PCDHGA3: variants seen among roughly 807,000 people sequenced by gnomAD.
PCDHGA3 encodes the protein protocadherin gamma-A3.
PCDHGA3 carries 40 observed loss-of-function variants against 58.5 expected under a neutral mutation model. That is an observed-to-expected ratio of 0.68 (90% CI 0.53 to 0.89). The LOEUF (loss-of-function observed/expected upper bound fraction) is 0.89. Among genes scored for constraint, PCDHGA3 ranks in the 40% least tolerant of loss-of-function variants. The pLI, the probability that PCDHGA3 is intolerant of heterozygous loss-of-function variation, is 0.00. For missense variants in PCDHGA3, 1,223 were observed against 1,195.9 expected, an observed-to-expected ratio of 1.02 and a Z score of -0.33; for synonymous variants, 530 against 525.7, an observed-to-expected ratio of 1.01 and a Z score of -0.11.
intron 2 of PCDHGA3, among the ~76,000 whole-genome samples, chr5:141,504,704 A>G (rs965376942): frequency 1.3e-5 from 2 of 151,356 alleles, no homozygotes; most frequent in African/African-American, 4.8e-5. Flanking sequence ...AGGTTCTTCT[A>G]TGGCCGTGGA....
intron 1 of PCDHGA3, among the ~76,000 whole-genome samples, chr5:141,406,087 T>TA (rs113984376): frequency 6.7e-6 from 1 of 148,544 alleles, no homozygotes; most frequent in African/African-American, 2.5e-5. Flanking sequence ...TTTTTTTTTT[T>TA]AAGAGATGGG....
At chr5:141,453,780 C>T (rs1330142662) in intron 1 of PCDHGA3, among the ~76,000 whole-genome samples, 3 of 152,090 alleles carry the variant, frequency 2.0e-5, no homozygotes, top group African/African-American at 4.8e-5. Flanking sequence ...TTTTAGTTAC[C>T]ATGGTATATT....
chr5:141,404,392 T>A, intron 1 of PCDHGA3: 1 of 1,613,938 alleles, frequency 6.2e-7, no homozygotes, highest in Non-Finnish European at 8.5e-7. Context: ...ATGACCCTGA[T>A]AGCAATGAGA....
intron 1 of PCDHGA3, chr5:141,410,309 T>G: frequency 6.2e-7 from 1 of 1,613,998 alleles, no homozygotes; most frequent in Non-Finnish European, 8.5e-7. Flanking sequence ...CTCAGTGCTC[T>G]TCCTCCTCGC....
intron 1 of PCDHGA3, chr5:141,361,682 C>A (rs767724401): frequency 6.2e-7 from 1 of 1,613,466 alleles, no homozygotes; most frequent in African/African-American, 1.3e-5. Flanking sequence ...GTGGTGTTCG[C>A]GCAGCGCGCC....
rs751567991 is a variant in PCDHGA3 at position 141,398,180 on chromosome 5, T to C, written c.2424+51723T>C. ...CGGGCTGAGAGGCTGCCAGTGCTCT[T>C]TCTCTTCCTGCTGTCTTTGTTCTGC... On this transcript the variant is annotated intron_variant, in intron 1 of 3. Coordinates refer to ENST00000253812, the MANE Select transcript of PCDHGA3 (RefSeq NM_018916.4). 3 of 1,473,764 alleles carry C rather than the reference T, an allele frequency of 2.0e-6. No individual in the cohort carries two copies. The African/African-American group carries it at 4.3e-5, about 21-fold the overall frequency. The allele number at this position is 1,473,764 out of a possible 1,614,324, so 91.3% of individuals were successfully genotyped here. A position where few individuals can be genotyped will look rare whatever the true frequency, so the allele number is the denominator to read the frequency against.
chr5:141,376,294 C>G lies in PCDHGA3; in HGVS notation c.2424+29837C>G, dbSNP rs572453488. Reference sequence around the variant, plus strand: ...GAGGTGGCTTAGCGAGCATGCCCGGCTCGCACTTTGTGGGCGTGGAAGGGG... The same window carrying G: ...GAGGTGGCTTAGCGAGCATGCCCGGGTCGCACTTTGTGGGCGTGGAAGGGG... On this transcript the variant is annotated intron_variant, in intron 1 of 3. Transcript: ENST00000253812. 8.7e-6 allele frequency: 14 copies of G among 1,614,226 alleles called. No individual in the cohort carries two copies. The Admixed American group carries it at 2.3e-4, about 27-fold the overall frequency.
rs1757554908 is a variant in PCDHGA3, at chr5:141,345,322, C to A, written c.1289C>A (p.Pro430Gln). ...CTGAGAGCCTCAGATGGGGGAAGCCCGCCACTGTCCACAGAAACTCACATC... is the reference window on the plus strand; with the variant it reads ...CTGAGAGCCTCAGATGGGGGAAGCCAGCCACTGTCCACAGAAACTCACATC... ...ISLRASDGGS[P>Q]PLSTETHITL... Residue 430 changes from proline (P) to glutamine (Q), a missense_variant, in exon 1 of 4, where the codon CCG becomes CAG. Coordinates refer to ENST00000253812, the MANE Select transcript of PCDHGA3 (RefSeq NM_018916.4). 1.2e-6 allele frequency: 2 copies of A among 1,613,942 alleles called. No homozygotes were observed.
At chr5:141,350,900 G>A (rs773546410) in intron 1 of PCDHGA3, 1 of 1,614,042 alleles carries the variant, frequency 6.2e-7, no homozygotes, top group Admixed American at 1.7e-5. Flanking sequence ...TGCCATGGAT[G>A]GCGGGGACCC....
At chr5:141,403,579 C>T in intron 1 of PCDHGA3, 2 of 1,613,926 alleles carry the variant, frequency 1.2e-6, no homozygotes, top group South Asian at 1.1e-5. Flanking sequence ...CTGCCCACCA[C>T]CTGGTCCTCA....
chr5:141,482,981 AGG>A (rs2099575420), intron 1 of PCDHGA3, among the ~76,000 whole-genome samples: 1 of 150,250 alleles, frequency 6.7e-6, no homozygotes, highest in African/African-American at 2.5e-5. Context: ...GCTACTTGAG[AGG>A]TCGAGGCAGG....
chr5:141,415,270 G>A (rs1044469814), intron 1 of PCDHGA3: 1 of 1,614,118 alleles, frequency 6.2e-7, no homozygotes, highest in Non-Finnish European at 8.5e-7. Flanking sequence ...GTACCTGGTG[G>A]TAGCGGTGGC....
At chr5:141,346,654 G>A (rs1757787682) in intron 1 of PCDHGA3, 197 bp downstream of exon 1, 15 of 777,668 alleles carry the variant, frequency 1.9e-5, no homozygotes, top group Non-Finnish European at 2.8e-5. Context: ...TGGGCTTAGG[G>A]AAAAAATAAT....
In PCDHGA3 at chr5:141,371,464, A is replaced by G. The variant is rs756446984; in HGVS notation, c.2424+25007A>G. The G allele has an allele frequency of 3.7e-6, 6 of 1,613,830 alleles. No individual in the cohort carries two copies. Among genetic ancestry groups the G allele is most frequent in the Non-Finnish European group, 5.1e-6 (6 of 1,179,870 alleles). ...CTGGCTTCTGAATCCCAACATATAC[A>G]AGAAGATGCTGAGCTGGGGACTGCC... is the stretch of plus-strand genomic sequence containing the variant. On this transcript the variant is annotated intron_variant, in intron 1 of 3. Coordinates refer to ENST00000253812, the MANE Select transcript of PCDHGA3 (RefSeq NM_018916.4).
intron 1 of PCDHGA3, among the ~76,000 whole-genome samples, chr5:141,450,894 G>A (rs919860611): frequency 2.7e-5 from 4 of 148,956 alleles, no homozygotes; most frequent in Admixed American, 1.3e-4. Context: ...GTGCGATATC[G>A]GCTCACTGCA....
At chr5:141,435,376 A>G (rs1358757887) in intron 1 of PCDHGA3, among the ~76,000 whole-genome samples, 1 of 152,200 alleles carries the variant, frequency 6.6e-6, no homozygotes, top group Non-Finnish European at 1.5e-5. Flanking sequence ...TAAATATACA[A>G]TATACCGTAT....
In PCDHGA3 at chr5:141,489,720, G is replaced by A. The variant is rs560729125; in HGVS notation, c.2425-5087G>A. ...TCCCACTGGACAGTGCCCAGGATCC[G>A]GATGTGGGCACCAATACTGTGAGCT... On this transcript the variant is annotated intron_variant, in intron 1 of 3. Transcript: ENST00000253812. The surrounding 1 kb of genome is among the most constrained non-coding windows in gnomAD (Gnocchi z 4.5). The A allele has an allele frequency of 3.2e-5, 51 of 1,614,200 alleles. No individual in the cohort carries two copies. The highest frequency in any genetic ancestry group is 9.3e-5 in the African/African-American group (7 of 75,048).
At chr5:141,346,607 T>A in intron 1 of PCDHGA3, 150 bp downstream of exon 1, 1 of 1,185,462 alleles carries the variant, frequency 8.4e-7, no homozygotes, top group Non-Finnish European at 1.2e-6. Context: ...TCTGGGCCTA[T>A]AGTAGGACTG....
At chr5:141,480,871 C>T (rs1262582761) in intron 1 of PCDHGA3, among the ~76,000 whole-genome samples, 1 of 151,930 alleles carries the variant, frequency 6.6e-6, no homozygotes, top group Non-Finnish European at 1.5e-5. Context: ...ATGGTGAAAC[C>T]CCGTCTCTAC....
Sources: gnomAD v4.1 joint callset for allele counts (sites outside exome capture counted in the v4.1 genomes callset) on GRCh38, gnomAD v4.1.1 for gene constraint, Gnocchi (gnomAD v3.1) non-coding constraint, MANE v1.5 for transcripts, NCBI Gene and HGNC (gene_info 2026-07-23, HGNC 2026-07-21) for gene names.